Variants in USE1 observed in about 807,000 individuals in gnomAD.
USE1 encodes the protein unconventional SNARE in the ER 1.
USE1 carries 32 observed loss-of-function variants against 37.6 expected under a neutral mutation model. The observed-to-expected ratio is 0.85, with a 90% confidence interval of 0.64 to 1.14. The LOEUF (loss-of-function observed/expected upper bound fraction) is 1.14. USE1 is among the 50% of genes most tolerant of loss of function. The pLI, the probability that USE1 is intolerant of heterozygous loss-of-function variation, is 0.00. For missense variants in USE1, 310 were observed against 332.2 expected (o/e 0.93, Z 0.52); for synonymous variants, 149 against 137.6 (o/e 1.08, Z -0.58).
At position 17,216,302 on chromosome 19, in the gene USE1, G is replaced by A. The variant is rs1385120913; in HGVS notation, c.365G>A (p.Arg122Gln). The change falls in exon 4 of 8, where the codon CGG (arginine) becomes CAG (glutamine). Residue 122 changes from arginine to glutamine, a missense_variant. Transcript: ENST00000263897. ...QSRARYTSEM[R>Q]SELLGTDSAE... ...CGGGCGCGGTACACCAGCGAGATGC[G>A]GAGTGAGCTACTAGGCACGGTAGGG... 6 of 1,612,394 alleles carry A rather than the reference G, an allele frequency of 3.7e-6. No homozygotes were observed. Among genetic ancestry groups the A allele is most frequent in the Middle Eastern group, 1.7e-4 (1 of 6,060 alleles).
Position 17,215,855 on chromosome 19 carries a change from A to C in USE1, c.152+4A>C. 6.8e-6 allele frequency: 11 copies of C among 1,607,394 alleles called. No individual in the cohort carries two copies. Among genetic ancestry groups the C allele is most frequent in the Non-Finnish European group, 9.3e-6 (11 of 1,177,288 alleles). On this transcript the variant is annotated splice_donor_region_variant and intron_variant, in intron 2 of 7. Coordinates refer to ENST00000263897, the MANE Select transcript of USE1 (RefSeq NM_018467.4). ...AGGCCCTGAAGGTCCACGCGAGGTG[A>C]GTGCAGGCAGCCTCAGGGCTTTCAC...
intron 5 of USE1, 71 bp downstream of exon 5, chr19:17,217,533 C>T (rs776932760): frequency 1.8e-5 from 29 of 1,579,734 alleles, no homozygotes; most frequent in South Asian, 6.9e-5. Flanking sequence ...CTTGCTGCCC[C>T]GGGGCCTCCA....
chr19:17,219,163 C>T (rs777401633), intron 6 of USE1, 50 bp from the exon 7 acceptor site: 2 of 1,562,970 alleles, frequency 1.3e-6, no homozygotes, highest in East Asian at 2.3e-5. Context: ...GGTCTTCTCC[C>T]CTTTCCCACT....
In USE1 at chr19:17,216,161, T is replaced by A. The variant is rs751185059; in HGVS notation, c.232-8T>A. On this transcript the variant is annotated splice_polypyrimidine_tract_variant and splice_region_variant and intron_variant, in intron 3 of 7. Transcript: ENST00000263897. ...CCTCCAGTGACTTATCTTCCCACAT[T>A]TCTGCAGACCTCCTCCTCAGAGAAA... The A allele has an allele frequency of 5.0e-6, 8 of 1,613,006 alleles. No individual in the cohort carries two copies. The highest frequency in any genetic ancestry group is 5.9e-6 in the Non-Finnish European group (7 of 1,179,602).
At chr19:17,219,610 C>A in intron 7 of USE1, 21 bp from the exon 8 acceptor site, 1 of 1,583,814 alleles carries the variant, frequency 6.3e-7, no homozygotes, top group Non-Finnish European at 8.6e-7. Flanking sequence ...CCTGTTGACA[C>A]CTTTTCCACC....
chr19:17,218,061 T>C, intron 5 of USE1: 1 of 374,854 alleles, frequency 2.7e-6, no homozygotes, highest in South Asian at 2.4e-5. Context: ...TCCAGCCTAG[T>C]TGACAGAGAG....
In USE1 at chr19:17,215,869, C is replaced by CA; in HGVS notation, c.152+19dup. Reference sequence around the variant, plus strand: ...CACGCGAGGTGAGTGCAGGCAGCCTCAGGGCTTTCACATCAGCACGTGGCT... The same window carrying CA: ...CACGCGAGGTGAGTGCAGGCAGCCTCAAGGGCTTTCACATCAGCACGTGGCT... On this transcript the variant is annotated intron_variant, in intron 2 of 7. Coordinates refer to ENST00000263897, the MANE Select transcript of USE1 (RefSeq NM_018467.4). The CA allele has an allele frequency of 6.2e-7, 1 of 1,603,448 alleles. No homozygotes were observed. The highest frequency in any genetic ancestry group is 1.7e-5 in the Admixed American group (1 of 58,620).
intron 5 of USE1, chr19:17,217,978 G>T (rs2073301037): frequency 4.6e-5 from 16 of 349,280 alleles, no homozygotes; most frequent in South Asian, 3.7e-4. Flanking sequence ...AGCATACTTG[G>T]GAGGCTGAGG....
At chr19:17,217,643 A>T (rs2073298801) in intron 5 of USE1, 181 bp downstream of exon 5, 4 of 910,908 alleles carry the variant, frequency 4.4e-6, no homozygotes, top group Non-Finnish European at 5.1e-6. Context: ...AAACAAAGCT[A>T]GGCACAGTGG....
chr19:17,218,482 C>T, intron 6 of USE1, 91 bp downstream of exon 6: 2 of 1,549,454 alleles, frequency 1.3e-6, no homozygotes, highest in East Asian at 4.6e-5. Context: ...CACCGAGGCA[C>T]TACCACAAGG....
In USE1 at chr19:17,219,648, G is replaced by A. The variant is rs766778733; in HGVS notation, c.615G>A (p.Leu205=). The A allele has an allele frequency of 2.1e-5, 33 of 1,607,720 alleles. No homozygotes were observed. The South Asian group carries it at 3.1e-4, about 15-fold the overall frequency. ...KKDNQTLSHS[L]KMADQNLEKL... ...CCCCACAGACCCTGTCACACTCACT[G>A]AAAATGGCGGACCAGAACCTGGAGA... is the stretch of plus-strand genomic sequence containing the variant. Residue 205 remains leucine (L), a synonymous_variant, in exon 8 of 8, where the codon CTG becomes CTA. Transcript: ENST00000263897.
chr19:17,215,582 C>G (rs2073283572), intron 1 of USE1, 75 bp downstream of exon 1: 4 of 1,504,518 alleles, frequency 2.7e-6, no homozygotes, highest in Admixed American at 2.0e-5. Context: ...CCACCTGGCC[C>G]GACTCCCCGG....
In USE1 at chr19:17,218,065, CAG is replaced by C. The variant is rs1320541692; in HGVS notation, c.395-291_395-290del. 1.3e-5 allele frequency: 5 copies of C among 377,398 alleles called. No homozygotes were observed. The Admixed American group carries it at 2.1e-4, about 16-fold the overall frequency. 23.4% of individuals were successfully genotyped at this position (377,398 alleles called of 1,614,324 possible). A position where few individuals can be genotyped will look rare whatever the true frequency, so the allele number is the denominator to read the frequency against. On this transcript the variant is annotated intron_variant, in intron 5 of 7. Transcript: ENST00000263897. ...CGCCAGTGCACTCCAGCCTAGTTGA[CAG>C]AGAGAGACTCTGTCTCAAAAATAAG...
chr19:17,217,970 C>A, intron 5 of USE1: 1 of 342,322 alleles, frequency 2.9e-6, no homozygotes, highest in Non-Finnish European at 5.6e-6. Flanking sequence ...GTAGTCCCAG[C>A]ATACTTGGGA....
At chr19:17,218,500 C>A in intron 6 of USE1, 109 bp downstream of exon 6, 1 of 1,435,976 alleles carries the variant, frequency 7.0e-7, no homozygotes, top group East Asian at 2.4e-5. Flanking sequence ...AGGATCTAAA[C>A]CAACCAGAAG....
rs749717039 is a variant in USE1, at chr19:17,215,459, G to A, written c.54G>A (p.Glu18=). ...TGGTGCGGCTGCTATCCCGCTGCGAGGCGATGGCAGCGGAGAAACGGGACC... is the reference window on the plus strand; with the variant it reads ...TGGTGCGGCTGCTATCCCGCTGCGAAGCGATGGCAGCGGAGAAACGGGACC... ...LNLVRLLSRC[E]AMAAEKRDPD... Residue 18 remains glutamate (E), a synonymous_variant, in exon 1 of 8, where the codon GAG becomes GAA. Transcript: ENST00000263897. The A allele has an allele frequency of 1.2e-5, 19 of 1,564,116 alleles. 1 individual carries two copies. In the South Asian group the frequency reaches 2.0e-4, roughly 16 times the overall value.
rs368116859 is a variant in USE1, at chr19:17,215,398, G to C, written c.-8G>C. ...CCGGCGGAAGGGGTGGTGTAGGGCC[G>C]GGCGATAATGGCGGCGTCGAGGCTG... On this transcript the variant is annotated 5_prime_UTR_variant, in exon 1 of 8. Transcript: ENST00000263897. The C allele has an allele frequency of 6.4e-7, 1 of 1,554,902 alleles. No homozygotes were observed. Among genetic ancestry groups the C allele is most frequent in the East Asian group, 2.4e-5 (1 of 41,200 alleles).
chr19:17,216,401 T>C, intron 4 of USE1, 80 bp downstream of exon 4: 2 of 1,551,132 alleles, frequency 1.3e-6, no homozygotes, highest in South Asian at 2.3e-5. Context: ...AGAACCACAA[T>C]ACTGTCAGAT....
At position 17,216,352 on chromosome 19, in the gene USE1, C is replaced by T. The variant is rs774111227; in HGVS notation, c.384+31C>T. ...GCTCCTTCCCTGGTCCCTGGGAATC[C>T]CTTGGACAGGAATAGGGGTTCTATG... On this transcript the variant is annotated intron_variant, in intron 4 of 7. Transcript: ENST00000263897. 1.1e-5 allele frequency: 17 copies of T among 1,601,308 alleles called. 2 individuals carry two copies. In the South Asian group the frequency reaches 1.4e-4, roughly 13 times the overall value.
Sources: gnomAD v4.1 joint callset for allele counts on GRCh38, gnomAD v4.1.1 for gene constraint, MANE v1.5 for transcripts, NCBI Gene and HGNC (gene_info 2026-07-23, HGNC 2026-07-21) for gene names.